The following ETV1 variants were observed in gnomAD, a reference collection of about 807,000 sequenced individuals.
ETV1 encodes the protein ETS variant transcription factor 1.
A neutral mutation model predicts 62.3 loss-of-function variants in ETV1; 27 were observed. The ratio of observed to expected loss-of-function variants is 0.43; its 90% CI spans 0.32 to 0.60. The LOEUF (loss-of-function observed/expected upper bound fraction) is 0.60. Ranked by LOEUF, ETV1 falls within the 20% of genes least tolerant of loss-of-function variation. The pLI, the probability that ETV1 is intolerant of heterozygous loss-of-function variation, is 0.06. For synonymous variants in ETV1, 222 were observed against 199.6 expected (o/e 1.11, Z -0.94); for missense variants, 605 against 605.8 (o/e 1.00, Z 0.01).
At chr7:13,929,979 A>C (rs559953426) in intron 9 of ETV1, among the ~76,000 whole-genome samples, 1 of 152,292 alleles carries the variant, frequency 6.6e-6, no homozygotes, top group Non-Finnish European at 1.5e-5. Context: ...TTACTCAAGT[A>C]GACTGATGAT....
intron 6 of ETV1, among the ~76,000 whole-genome samples, chr7:13,950,984 G>C (rs369022655): frequency 3.4e-5 from 5 of 148,812 alleles, no homozygotes; most frequent in East Asian, 2.0e-4. Context: ...TTGAAAAACA[G>C]GTCAGGAGTT....
rs1054656526 is a variant in ETV1, at chr7:13,895,431, A to C, written c.*435T>G. ...AGAGACTCATAAATGACAGGGGAAA[A>C]TGCCCAAGGCAAATAGTCTCCAAGT... On this transcript the variant is annotated 3_prime_UTR_variant, in exon 14 of 14. Coordinates refer to ENST00000430479, the MANE Select transcript of ETV1 (RefSeq NM_004956.5). The C allele has an allele frequency of 3.8e-5, 9 of 239,308 alleles. No individual in the cohort carries two copies. The highest frequency in any genetic ancestry group is 7.4e-5 in the Non-Finnish European group (9 of 121,616). 14.8% of individuals were successfully genotyped at this position (239,308 alleles called of 1,614,324 possible). A position where few individuals can be genotyped will look rare whatever the true frequency, so the allele number is the denominator to read the frequency against.
At chr7:13,958,567 T>G (rs773277299) in intron 6 of ETV1, among the ~76,000 whole-genome samples, 79 of 152,218 alleles carry the variant, frequency 5.2e-4, no homozygotes, top group Non-Finnish European at 9.3e-4. Context: ...GTTCCAGTTC[T>G]GTCACTACTT....
At chr7:13,970,141 G>A (rs1287165168) in intron 6 of ETV1, among the ~76,000 whole-genome samples, 2 of 151,582 alleles carry the variant, frequency 1.3e-5, no homozygotes, top group Non-Finnish European at 2.9e-5. Context: ...GGCGCCTGTG[G>A]TCCCAGCTAG....
At chr7:13,959,760 C>G (rs1411978176) in intron 6 of ETV1, among the ~76,000 whole-genome samples, 2 of 151,618 alleles carry the variant, frequency 1.3e-5, no homozygotes, top group Non-Finnish European at 2.9e-5. Context: ...GCACATGCCT[C>G]TAATCCCACC....
At chr7:13,942,875 T>C (rs924287743) in intron 6 of ETV1, among the ~76,000 whole-genome samples, 2 of 152,174 alleles carry the variant, frequency 1.3e-5, no homozygotes, top group African/African-American at 4.8e-5. Flanking sequence ...TTGGAGACTA[T>C]AATGTTTAAT....
chr7:13,986,888 A>G, intron 4 of ETV1: 1 of 506,400 alleles, frequency 2.0e-6, no homozygotes. Flanking sequence ...CTCTTTAAGA[A>G]ATTATTTTAG....
intron 6 of ETV1, among the ~76,000 whole-genome samples, chr7:13,963,568 C>T (rs1420539965): frequency 6.7e-5 from 10 of 150,368 alleles, no homozygotes; most frequent in African/African-American, 2.2e-4. Flanking sequence ...CACACCTATA[C>T]GTATATATAG....
Position 13,989,113 on chromosome 7 carries a change from T to G in ETV1, c.-61A>C. ...ATATTTTGAGCATTTAGCTGGAGAT[T>G]TCCTCAGGATCTGGACTTCTATCAA... On this transcript the variant is annotated 5_prime_UTR_variant, in exon 3 of 14. Transcript: ENST00000430479. 7.0e-7 allele frequency: 1 copy of G among 1,438,406 alleles called. No homozygotes were observed. The highest frequency in any genetic ancestry group is 9.6e-7 in the Non-Finnish European group (1 of 1,041,720). The allele number at this position is 1,438,406 out of a possible 1,614,324, so 89.1% of individuals were successfully genotyped here. A position where few individuals can be genotyped will look rare whatever the true frequency, so the allele number is the denominator to read the frequency against.
At chr7:13,910,718 A>T (rs1783475523) in intron 10 of ETV1, among the ~76,000 whole-genome samples, 1 of 152,234 alleles carries the variant, frequency 6.6e-6, no homozygotes, top group Non-Finnish European at 1.5e-5. Flanking sequence ...AGTCCTTTAC[A>T]GGCAAAGCTT....
chr7:13,938,908 C>G (rs1446658864), intron 7 of ETV1, among the ~76,000 whole-genome samples: 1 of 152,180 alleles, frequency 6.6e-6, no homozygotes, highest in East Asian at 1.9e-4. Flanking sequence ...AACTAATGAT[C>G]TGGATAAAAA....
chr7:13,913,695 A>G (rs577361668), intron 9 of ETV1, among the ~76,000 whole-genome samples: 5 of 151,888 alleles, frequency 3.3e-5, no homozygotes, highest in Non-Finnish European at 5.9e-5. Flanking sequence ...TTGTTATCTT[A>G]CTCTGCTGTT....
chr7:13,919,439 A>C (rs1310290133), intron 9 of ETV1, among the ~76,000 whole-genome samples: 1 of 151,520 alleles, frequency 6.6e-6, no homozygotes, highest in Non-Finnish European at 1.5e-5. Flanking sequence ...AGAATAGTTA[A>C]ATGAATCACA....
chr7:13,983,618 T>A (rs3801103), intron 5 of ETV1, among the ~76,000 whole-genome samples: 1 of 147,642 alleles, frequency 6.8e-6, no homozygotes. Flanking sequence ...GCATATTCCC[T>A]GACTTTTTTT....
At chr7:13,951,296 G>A (rs778081640) in intron 6 of ETV1, among the ~76,000 whole-genome samples, 1 of 152,102 alleles carries the variant, frequency 6.6e-6, no homozygotes, top group Non-Finnish European at 1.5e-5. Context: ...CTGCTCACGG[G>A]CAATAAGACA....
chr7:13,924,821 T>G (rs1198295222), intron 9 of ETV1, among the ~76,000 whole-genome samples: 1 of 152,196 alleles, frequency 6.6e-6, no homozygotes, highest in African/African-American at 2.4e-5. Context: ...GTGGAGAAGT[T>G]TGAAGTAGGT....
intron 6 of ETV1, among the ~76,000 whole-genome samples, chr7:13,971,722 G>T (rs1165179933): frequency 6.6e-6 from 1 of 152,166 alleles, no homozygotes; most frequent in East Asian, 1.9e-4. Flanking sequence ...AGACTGAAAT[G>T]AACTAATGTA....
chr7:13,965,303 A>C (rs1176391469), intron 6 of ETV1, among the ~76,000 whole-genome samples: 1 of 152,224 alleles, frequency 6.6e-6, no homozygotes, highest in Non-Finnish European at 1.5e-5. Context: ...TATTTTTCTC[A>C]CAGCTATTCG....
In ETV1 at chr7:13,895,855, T is replaced by C. The variant is rs1229429060; in HGVS notation, c.*11A>G. ...AAAGCGCAAAAACGCCCTGCTTGACTGTCACTTGTGTTAATACACGTAGCC... is the reference window on the plus strand; with the variant it reads ...AAAGCGCAAAAACGCCCTGCTTGACCGTCACTTGTGTTAATACACGTAGCC... On this transcript the variant is annotated 3_prime_UTR_variant, in exon 14 of 14. Coordinates refer to ENST00000430479, the MANE Select transcript of ETV1 (RefSeq NM_004956.5). 3.1e-6 allele frequency: 5 copies of C among 1,603,878 alleles called. No homozygotes were observed. Among genetic ancestry groups the C allele is most frequent in the Non-Finnish European group, 4.3e-6 (5 of 1,172,368 alleles).
Sources: gnomAD v4.1 joint callset for allele counts (sites outside exome capture counted in the v4.1 genomes callset) on GRCh38, gnomAD v4.1.1 for gene constraint, MANE v1.5 for transcripts, NCBI Gene and HGNC (gene_info 2026-07-23, HGNC 2026-07-21) for gene names.